The following PDE6C variants were observed in gnomAD, a reference collection of about 807,000 sequenced individuals.
PDE6C encodes the protein phosphodiesterase 6C, also known as cone cGMP-specific 3',5'-cyclic phosphodiesterase subunit alpha'.
Under a neutral mutation model 113.1 loss-of-function variants are expected in PDE6C, and 75 were observed. The ratio of observed to expected loss-of-function variants is 0.66; its 90% CI spans 0.55 to 0.80. The LOEUF (loss-of-function observed/expected upper bound fraction) is 0.80, where lower values mean the gene tolerates loss of function less well. PDE6C is among the 30% of genes least tolerant of loss of function. The pLI, the probability that PDE6C is intolerant of heterozygous loss-of-function variation, is 0.00. For synonymous variants in PDE6C, 375 were observed against 363.7 expected (o/e 1.03, Z -0.35); for missense variants, 912 against 1,038.6 (o/e 0.88, Z 1.67).
chr10:93,633,514 T>C (rs1484836587), intron 8 of PDE6C, among the ~76,000 whole-genome samples: 1 of 150,618 alleles, frequency 6.6e-6, no homozygotes, highest in African/African-American at 2.4e-5. Flanking sequence ...ACAAATCTGT[T>C]ACACATGGTC....
At chr10:93,636,124 A>G (rs1462087794) in intron 10 of PDE6C, among the ~76,000 whole-genome samples, 1 of 152,126 alleles carries the variant, frequency 6.6e-6, no homozygotes, top group Non-Finnish European at 1.5e-5. Flanking sequence ...TACCTGATAG[A>G]TGTCCTTCTC....
At chr10:93,638,454 C>T (rs998816044) in intron 11 of PDE6C, among the ~76,000 whole-genome samples, 5 of 152,174 alleles carry the variant, frequency 3.3e-5, no homozygotes, top group African/African-American at 4.8e-5. Flanking sequence ...TTCTTCTCCC[C>T]ACCTGCCCTC....
intron 1 of PDE6C, among the ~76,000 whole-genome samples, chr10:93,618,209 A>T (rs1369621347): frequency 6.6e-6 from 1 of 152,154 alleles, no homozygotes; most frequent in African/African-American, 2.4e-5. Context: ...CAAAAGAACT[A>T]CTTCTCATTC....
At chr10:93,615,981 C>A (rs527695722) in intron 1 of PDE6C, among the ~76,000 whole-genome samples, 1 of 152,164 alleles carries the variant, frequency 6.6e-6, no homozygotes, top group Non-Finnish European at 1.5e-5. Flanking sequence ...CTACCTTACA[C>A]CCCTGCAGTT....
At chr10:93,635,286 C>T (rs2058522756) in intron 9 of PDE6C, among the ~76,000 whole-genome samples, 1 of 152,150 alleles carries the variant, frequency 6.6e-6, no homozygotes, top group Admixed American at 6.5e-5. Context: ...CCTCTCTCTT[C>T]TATTCATGGT....
chr10:93,663,978 T>G (rs1279029649), intron 21 of PDE6C, among the ~76,000 whole-genome samples: 2 of 152,228 alleles, frequency 1.3e-5, no homozygotes, highest in Non-Finnish European at 2.9e-5. Flanking sequence ...GTGGCTCTAT[T>G]GCATTTAGTG....
chr10:93,659,662 GACTT>G (rs2058656991), intron 18 of PDE6C, among the ~76,000 whole-genome samples: 1 of 152,144 alleles, frequency 6.6e-6, no homozygotes, highest in Non-Finnish European at 1.5e-5. Flanking sequence ...GATCTTGTGA[GACTT>G]ACTTAATATC....
chr10:93,635,495 A>G lies in PDE6C; in HGVS notation c.1270-2A>G. The G allele has an allele frequency of 6.2e-7, 1 of 1,610,226 alleles. No individual in the cohort carries two copies. Among genetic ancestry groups the G allele is most frequent in the African/African-American group, 1.3e-5 (1 of 74,996 alleles). On this transcript the variant is annotated splice_acceptor_variant, in intron 9 of 21. Coordinates refer to ENST00000371447, the MANE Select transcript of PDE6C (RefSeq NM_006204.4). LOFTEE classifies it high-confidence loss of function. ...ATTAGAATCACCTTTTATCCATTTCAGACTCTCACACAATTTCTTGGATGG... is the reference window on the plus strand; with the variant it reads ...ATTAGAATCACCTTTTATCCATTTCGGACTCTCACACAATTTCTTGGATGG...
chr10:93,621,137 C>T (rs911268815), intron 3 of PDE6C, among the ~76,000 whole-genome samples, 157 bp downstream of exon 3: 6 of 152,022 alleles, frequency 3.9e-5, no homozygotes, highest in Non-Finnish European at 5.9e-5. Context: ...ATGATCTTCC[C>T]GCCACTCTCC....
chr10:93,621,076 G>C (rs993437090), intron 3 of PDE6C, 96 bp downstream of exon 3: 11 of 984,460 alleles, frequency 1.1e-5, no homozygotes, highest in South Asian at 1.0e-4. Context: ...CCTCCTGGGG[G>C]TGTAAGCCAC....
chr10:93,640,246 G>A, intron 12 of PDE6C, 30 bp downstream of exon 12: 1 of 1,590,284 alleles, frequency 6.3e-7, no homozygotes, highest in South Asian at 1.1e-5. Flanking sequence ...AAAATACTGT[G>A]TGATTCTGTG....
rs2133881212 is a variant in PDE6C at position 93,665,577 on chromosome 10, G to A, written c.*159G>A. On this transcript the variant is annotated 3_prime_UTR_variant, in exon 22 of 22. Transcript: ENST00000371447. The stretch of plus-strand genomic sequence containing the variant: ...TATATTGCTAGCCCAAAAATCCCAG[G>A]GGCAAAATAAAGTTCAACAAAAGTG... The A allele has an allele frequency of 3.3e-6, 2 of 613,798 alleles. No homozygotes were observed. Among genetic ancestry groups the A allele is most frequent in the Non-Finnish European group, 5.8e-6 (2 of 347,732 alleles). 38.0% of individuals were successfully genotyped at this position (613,798 alleles called of 1,614,324 possible).
chr10:93,659,116 G>A lies in PDE6C; in HGVS notation c.2157G>A (p.Met719Ile). Residue 719 changes from methionine to isoleucine, a missense_variant, in exon 18 of 22, where the codon ATG (methionine) becomes ATA (isoleucine). Transcript: ENST00000371447. Reference sequence around the variant, plus strand: ...TTTTCTTCCTAAGGGCAATGATGATGACGGCATGTGACTTGTCTGCTATTA... The same window carrying A: ...TTTTCTTCCTAAGGGCAATGATGATAACGGCATGTGACTTGTCTGCTATTA... ...TKKEIIMAMM[M>I]TACDLSAITK... 1 of 1,610,940 alleles carries A rather than the reference G, an allele frequency of 6.2e-7. No homozygotes were observed. The highest frequency in any genetic ancestry group is 8.5e-7 in the Non-Finnish European group (1 of 1,178,966).
At chr10:93,646,127 G>A (rs2058583371) in intron 15 of PDE6C, 80 bp downstream of exon 15, 3 of 868,998 alleles carry the variant, frequency 3.5e-6, no homozygotes, top group Admixed American at 1.8e-5. Context: ...TTGGAAAAAG[G>A]GTGGCCTTGA....
At chr10:93,652,745 C>T (rs887778560) in intron 15 of PDE6C, among the ~76,000 whole-genome samples, 1 of 152,188 alleles carries the variant, frequency 6.6e-6, no homozygotes, top group South Asian at 2.1e-4. Context: ...TAAATAGCAA[C>T]AAGTGTCCAG....
Position 93,662,556 on chromosome 10 carries a change from C to G in PDE6C, c.2284-4C>G. On this transcript the variant is annotated splice_region_variant and splice_polypyrimidine_tract_variant and intron_variant, in intron 19 of 21. Coordinates refer to ENST00000371447, the MANE Select transcript of PDE6C (RefSeq NM_006204.4). ...TGTCTTAAAGGATTTATTTCTCTTT[C>G]TAGCCTATGATGGACAGAAACAAAA... 4 of 1,335,918 alleles carry G rather than the reference C, an allele frequency of 3.0e-6. No individual in the cohort carries two copies. Among genetic ancestry groups the G allele is most frequent in the Non-Finnish European group, 4.3e-6 (4 of 934,706 alleles). The allele number at this position is 1,335,918 out of a possible 1,614,324, so 82.8% of individuals were successfully genotyped here.
intron 1 of PDE6C, 65 bp from the exon 2 acceptor site, chr10:93,620,567 C>T: frequency 6.7e-7 from 1 of 1,493,688 alleles, no homozygotes; most frequent in South Asian, 1.1e-5. Context: ...GATCTGTCAT[C>T]ATCCCTAGAT....
At chr10:93,646,338 T>C (rs2058584485) in intron 15 of PDE6C, among the ~76,000 whole-genome samples, 1 of 152,104 alleles carries the variant, frequency 6.6e-6, no homozygotes, top group Non-Finnish European at 1.5e-5. Flanking sequence ...ACCCCAAGCA[T>C]ATGTAAATGT....
Position 93,654,801 on chromosome 10 carries a change from TCTTTCTTTC to T in PDE6C, c.1936-958_1936-950del, listed in dbSNP as rs1564804840. 2.2e-3 allele frequency among the ~76,000 whole-genome samples: 200 copies of T among 91,250 alleles called. 1 individual carries two copies. Among genetic ancestry groups the T allele is most frequent in the East Asian group, 3.7e-3 (7 of 1,892 alleles). 59.9% of individuals were successfully genotyped at this position (91,250 alleles called of 152,430 possible). A position where few individuals can be genotyped will look rare whatever the true frequency, so the allele number is the denominator to read the frequency against. Reference sequence around the variant, plus strand: ...TTCTTTCTTTCTTTCTTTCTTTCTTTCTTTCTTTCTTTTTTTTTTTTTTTGAAACAGGGT... The same window carrying T: ...TTCTTTCTTTCTTTCTTTCTTTCTTTTTTTTTTTTTTTTTTGAAACAGGGT... On this transcript the variant is annotated intron_variant, in intron 15 of 21. Coordinates refer to ENST00000371447, the MANE Select transcript of PDE6C (RefSeq NM_006204.4).
Sources: gnomAD v4.1 joint callset for allele counts (sites outside exome capture counted in the v4.1 genomes callset) on GRCh38, gnomAD v4.1.1 for gene constraint, MANE v1.5 for transcripts, NCBI Gene and HGNC (gene_info 2026-07-23, HGNC 2026-07-21) for gene names.